Variants in GRID2 observed in about 807,000 individuals in gnomAD.
GRID2 encodes glutamate ionotropic receptor delta type subunit 2.
Under a neutral mutation model 114.8 loss-of-function variants are expected in GRID2, and 33 were observed. That is an observed-to-expected ratio of 0.29 (90% CI 0.22 to 0.38). The LOEUF (loss-of-function observed/expected upper bound fraction) is 0.38. Among genes scored for constraint, GRID2 ranks in the 10% least tolerant of loss-of-function variants. The pLI is 1.00. For synonymous variants in GRID2, 505 were observed against 449.9 expected, an observed-to-expected ratio of 1.12 and a Z score of -1.55; for missense variants, 1,184 against 1,257.7, an observed-to-expected ratio of 0.94 and a Z score of 0.89.
At chr4:93,364,791 A>G (rs953593464) in intron 8 of GRID2, among the ~76,000 whole-genome samples, 11 of 152,050 alleles carry the variant, frequency 7.2e-5, no homozygotes, top group African/African-American at 2.7e-4. Flanking sequence ...CTTCTGGAAA[A>G]TCTTAAGGCC....
At chr4:92,834,512 G>A (rs760907019) in intron 2 of GRID2, among the ~76,000 whole-genome samples, 3 of 152,150 alleles carry the variant, frequency 2.0e-5, no homozygotes, top group South Asian at 2.1e-4. Context: ...AATTTTTGTC[G>A]TTTAATCAGG....
At chr4:93,392,881 G>A (rs1579932784) in intron 8 of GRID2, among the ~76,000 whole-genome samples, 1 of 151,958 alleles carries the variant, frequency 6.6e-6, no homozygotes, top group Non-Finnish European at 1.5e-5. Flanking sequence ...GTATATATGT[G>A]ATCTTAATGA....
intron 2 of GRID2, among the ~76,000 whole-genome samples, chr4:92,721,901 A>G (rs1342308626): frequency 6.6e-6 from 1 of 152,194 alleles, no homozygotes; most frequent in African/African-American, 2.4e-5. Flanking sequence ...TGAAATAAAC[A>G]TATCATTGAC....
intron 1 of GRID2, among the ~76,000 whole-genome samples, chr4:93,792,168 C>T (rs549475169): frequency 6.6e-5 from 10 of 152,260 alleles, no homozygotes; most frequent in African/African-American, 2.4e-4. Context: ...TATGACACCT[C>T]CAAGCCCCAA....
intron 2 of GRID2, among the ~76,000 whole-genome samples, chr4:93,031,822 T>C (rs1020485456): frequency 1.3e-5 from 2 of 151,940 alleles, no homozygotes; most frequent in African/African-American, 4.8e-5. Context: ...AACAGTAGGG[T>C]AAGGTTGTAC....
Position 92,756,054 on chromosome 4 carries a change from C to T in GRID2, c.244+165768C>T, listed in dbSNP as rs1737705816. Among the ~76,000 whole-genome samples, 2 of 152,182 alleles carry T rather than the reference C, an allele frequency of 1.3e-5. 1 individual carries two copies. Among genetic ancestry groups the T allele is most frequent in the South Asian group, 4.1e-4 (2 of 4,824 alleles). ...CCTACTCTATGATCAAACATTAGAACTTATTCCTTGTTCCTTCCAAACTCT... is the reference window on the plus strand; with the variant it reads ...CCTACTCTATGATCAAACATTAGAATTTATTCCTTGTTCCTTCCAAACTCT... On this transcript the variant is annotated intron_variant, in intron 2 of 15. Transcript: ENST00000282020.
At chr4:93,692,881 T>C (rs927064597) in intron 14 of GRID2, among the ~76,000 whole-genome samples, 2 of 152,216 alleles carry the variant, frequency 1.3e-5, no homozygotes, top group African/African-American at 4.8e-5. Context: ...TGTTTTCTCA[T>C]GCAGATTATA....
intron 1 of GRID2, among the ~76,000 whole-genome samples, chr4:92,421,501 A>T (rs1406605907): frequency 6.6e-6 from 1 of 152,150 alleles, no homozygotes; most frequent in Non-Finnish European, 1.5e-5. Context: ...ACTGCAAATG[A>T]AAGTTTGTAG....
At chr4:92,349,965 G>A (rs1451682983) in intron 1 of GRID2, among the ~76,000 whole-genome samples, 1 of 151,872 alleles carries the variant, frequency 6.6e-6, no homozygotes, top group Non-Finnish European at 1.5e-5. Context: ...TGAAAAAGTA[G>A]CATTCTCCCT....
At chr4:92,549,733 A>T (rs1726480664) in intron 1 of GRID2, among the ~76,000 whole-genome samples, 2 of 152,168 alleles carry the variant, frequency 1.3e-5, no homozygotes, top group African/African-American at 4.8e-5. Flanking sequence ...TTTCATAAAT[A>T]AATATGTAGT....
At chr4:92,553,252 T>A (rs1356092200) in intron 1 of GRID2, among the ~76,000 whole-genome samples, 1 of 152,200 alleles carries the variant, frequency 6.6e-6, no homozygotes, top group Non-Finnish European at 1.5e-5. Flanking sequence ...ACACAACACA[T>A]CATATAATTC....
rs560050144 is a variant in GRID2 at position 92,439,981 on chromosome 4, T to C, written c.88+135237T>C. 1.4e-4 allele frequency among the ~76,000 whole-genome samples: 21 copies of C among 145,552 alleles called. 3 individuals are homozygous for C. The South Asian group carries it at 4.9e-3, about 34-fold the overall frequency. On this transcript the variant is annotated intron_variant, in intron 1 of 15. Transcript: ENST00000282020. ...GAAGATAGTAGGGATGACAAGTTTT[T>C]TGGGGGCACAGTCTAAGTTGGTCTG...
intron 11 of GRID2, among the ~76,000 whole-genome samples, chr4:93,476,480 A>G (rs937735337): frequency 6.6e-6 from 1 of 152,138 alleles, no homozygotes; most frequent in African/African-American, 2.4e-5. Context: ...GTAGTATTAG[A>G]TAGGAAAATG....
At chr4:92,728,637 C>T (rs1036471462) in intron 2 of GRID2, among the ~76,000 whole-genome samples, 1 of 151,874 alleles carries the variant, frequency 6.6e-6, no homozygotes, top group African/African-American at 2.4e-5. Flanking sequence ...TTGCTGTATT[C>T]TGTTTGTAAG....
chr4:92,375,984 G>A (rs773610836), intron 1 of GRID2, among the ~76,000 whole-genome samples: 2 of 151,960 alleles, frequency 1.3e-5, no homozygotes, highest in East Asian at 1.9e-4. Flanking sequence ...CTGAATAAGC[G>A]ATTCAGGGCA....
chr4:92,737,198 C>T (rs1736639322), intron 2 of GRID2, among the ~76,000 whole-genome samples: 2 of 151,956 alleles, frequency 1.3e-5, no homozygotes, highest in African/African-American at 4.8e-5. Context: ...GATACAAATC[C>T]TCATTGTAAA....
chr4:93,105,888 C>A (rs1732176960), intron 3 of GRID2, among the ~76,000 whole-genome samples: 1 of 152,086 alleles, frequency 6.6e-6, no homozygotes, highest in African/African-American at 2.4e-5. Context: ...AGCTTTAATT[C>A]TATCTGCAGC....
intron 14 of GRID2, among the ~76,000 whole-genome samples, chr4:93,658,577 G>T (rs1723217608): frequency 6.6e-6 from 1 of 152,150 alleles, no homozygotes; most frequent in South Asian, 2.1e-4. Flanking sequence ...ATATAATGGA[G>T]TTGGTATTCA....
chr4:92,483,986 C>T (rs567127346), intron 1 of GRID2, among the ~76,000 whole-genome samples: 4 of 152,188 alleles, frequency 2.6e-5, no homozygotes, highest in South Asian at 4.1e-4. Flanking sequence ...GATTAAACTA[C>T]GTGAATGATA....
Sources: allele counts gnomAD v4.1 joint callset (sites outside exome capture counted in the v4.1 genomes callset), GRCh38; gene constraint gnomAD v4.1.1; transcripts MANE v1.5; gene names NCBI Gene and HGNC (gene_info 2026-07-23, HGNC 2026-07-21).